Variants in CNOT1 observed in about 807,000 individuals in gnomAD.
The protein encoded by CNOT1 is CCR4-NOT transcription complex subunit 1.
CNOT1 carries 15 observed loss-of-function variants against 273.8 expected under a neutral mutation model. The observed-to-expected ratio is 0.05, with a 90% confidence interval of 0.04 to 0.08. CNOT1 has a LOEUF of 0.08. Among genes scored for constraint, CNOT1 ranks in the 10% least tolerant of loss-of-function variants. The pLI is 1.00. For synonymous variants in CNOT1, 1,022 were observed against 1,005.5 expected (o/e 1.02, Z -0.31); for missense variants, 1,644 against 2,912.2 (o/e 0.56, Z 10.02).
chr16:58,552,265 C>T (rs1263528846), intron 22 of CNOT1, among the ~76,000 whole-genome samples: 2 of 152,066 alleles, frequency 1.3e-5, no homozygotes, highest in East Asian at 3.9e-4. Flanking sequence ...TTACATAGCC[C>T]ATCCCCACAA....
In CNOT1 at chr16:58,543,840, C is replaced by T. The variant is rs1270109601; in HGVS notation, c.4201G>A (p.Val1401Ile). 2 of 1,613,962 alleles carry T rather than the reference C, an allele frequency of 1.2e-6. No individual in the cohort carries two copies. The highest frequency in any genetic ancestry group is 2.7e-5 in the African/African-American group (2 of 74,906). Residue 1401 changes from valine to isoleucine, a missense_variant, in exon 31 of 49, where the codon GTC (valine) becomes ATC (isoleucine). Physicochemically the swap from Val to Ile is conservative, Grantham distance 29 (BLOSUM62 3). Around this residue, in one of 13 missense-constraint regions of CNOT1, gnomAD observed 133 missense variants for 230.4 expected, o/e 0.58. Transcript: ENST00000317147. ...QCVRQAIERA[V>I]QELVHPVVDR... ...ACCACAGGATGGACCAGCTCCTGGA[C>T]AGCCCGTTCAATTGCCTGACGCACA...
chr16:58,523,281 A>C (rs2039473242), intron 47 of CNOT1, 89 bp downstream of exon 47: 1 of 1,382,016 alleles, frequency 7.2e-7, no homozygotes. Context: ...ACGGATTTTC[A>C]CTGAACACTG....
intron 1 of CNOT1, among the ~76,000 whole-genome samples, chr16:58,602,078 ATTTTTTT>A (rs1567437195): frequency 6.7e-6 from 1 of 150,174 alleles, no homozygotes; most frequent in Non-Finnish European, 1.5e-5. Flanking sequence ...TTTATTTTTT[ATTTTTTT>A]GAGACAGAGT....
chr16:58,586,555 C>A lies in CNOT1; in HGVS notation c.627G>T (p.Thr209=), dbSNP rs201700683. Residue 209 remains threonine (T), a synonymous_variant, in exon 7 of 49, where the codon ACG becomes ACT. Transcript: ENST00000317147. ...GQEQIDAFLK[T]LRRDFPQERC... ...CAAAGACTCCCTTACCTCTGCGCAGCGTCTTAAGAAAAGCGTCTATCTGTT... is the reference window on the plus strand; with the variant it reads ...CAAAGACTCCCTTACCTCTGCGCAGAGTCTTAAGAAAAGCGTCTATCTGTT... The A allele has an allele frequency of 2.5e-6, 4 of 1,610,446 alleles. No individual in the cohort carries two copies. Among genetic ancestry groups the A allele is most frequent in the Non-Finnish European group, 3.4e-6 (4 of 1,179,230 alleles).
In CNOT1 at chr16:58,583,077, T is replaced by TA; in HGVS notation, c.911dup (p.Leu304PhefsTer20). ...ACACCTGTAATGGAATGCCATCTGT[T>TA]AATCCTGAATGAGTTCGAGCCATCA... On this transcript the variant is annotated frameshift_variant, in exon 9 of 49. Coordinates refer to ENST00000317147, the MANE Select transcript of CNOT1 (RefSeq NM_016284.5). LOFTEE classifies it high-confidence loss of function. 6.2e-7 allele frequency: 1 copy of TA among 1,614,114 alleles called. No individual in the cohort carries two copies. Among genetic ancestry groups the TA allele is most frequent in the Non-Finnish European group, 8.5e-7 (1 of 1,180,026 alleles).
At chr16:58,553,491 T>C (rs1040704522) in intron 22 of CNOT1, among the ~76,000 whole-genome samples, 3 of 149,038 alleles carry the variant, frequency 2.0e-5, no homozygotes, top group African/African-American at 7.5e-5. Flanking sequence ...ATAAAGATTC[T>C]CTTAGTAAAA....
chr16:58,527,246 G>A (rs746589209), intron 44 of CNOT1, among the ~76,000 whole-genome samples: 5 of 152,046 alleles, frequency 3.3e-5, no homozygotes, highest in African/African-American at 7.3e-5. Context: ...AATAAAGGCC[G>A]GGTGCAGTGG....
chr16:58,543,723 C>T lies in CNOT1; in HGVS notation c.4318G>A (p.Ala1440Thr). 1 of 1,614,158 alleles carries T rather than the reference C, an allele frequency of 6.2e-7. No homozygotes were observed. Residue 1440 changes from alanine to threonine, a missense_variant, in exon 31 of 49, where the codon GCA becomes ACA. Around this residue, in one of 13 missense-constraint regions of CNOT1, gnomAD observed 133 missense variants for 230.4 expected, o/e 0.58. Coordinates refer to ENST00000317147, the MANE Select transcript of CNOT1 (RefSeq NM_016284.5). ...LDSEESRMRI[A>T]AHHMMRNLTA... Reference sequence around the variant, plus strand: ...AAGTTACGCATCATGTGATGAGCTGCTATTCGCATTCGAGATTCCTCCGAA... The same window carrying T: ...AAGTTACGCATCATGTGATGAGCTGTTATTCGCATTCGAGATTCCTCCGAA...
chr16:58,571,776 G>T (rs1301716838), intron 16 of CNOT1, among the ~76,000 whole-genome samples: 1 of 152,064 alleles, frequency 6.6e-6, no homozygotes, highest in Non-Finnish European at 1.5e-5. Context: ...TCAGGAGTTT[G>T]AGACCAGCCA....
intron 44 of CNOT1, among the ~76,000 whole-genome samples, chr16:58,526,504 T>C (rs571543544): frequency 8.1e-6 from 1 of 123,046 alleles, no homozygotes; most frequent in East Asian, 2.5e-4. Context: ...ACATCACACT[T>C]ACTCCTTAAA....
At chr16:58,594,324 C>T (rs185964466) in intron 2 of CNOT1, among the ~76,000 whole-genome samples, 15 of 152,148 alleles carry the variant, frequency 9.9e-5, no homozygotes, top group Admixed American at 3.3e-4. Flanking sequence ...CCATTAAATA[C>T]GCAAATGCAC....
chr16:58,591,036 G>A (rs1189599977), intron 2 of CNOT1, among the ~76,000 whole-genome samples: 1 of 152,174 alleles, frequency 6.6e-6, no homozygotes, highest in African/African-American at 2.4e-5. Context: ...ATTGATGCAG[G>A]CGGTTACCTC....
chr16:58,551,375 A>G (rs2040443523), intron 23 of CNOT1, 103 bp from the exon 24 acceptor site: 1 of 1,279,968 alleles, frequency 7.8e-7, no homozygotes, highest in Non-Finnish European at 1.1e-6. Context: ...TACACATGGT[A>G]TGACTGTGTA....
intron 34 of CNOT1, 86 bp from the exon 35 acceptor site, chr16:58,540,045 G>T (rs1326956716): frequency 1.5e-6 from 2 of 1,310,516 alleles, no homozygotes; most frequent in East Asian, 2.4e-5. Context: ...AGGTCTACTA[G>T]TATGTTTACT....
chr16:58,548,439 T>C (rs1465522162), intron 25 of CNOT1: 13 of 480,672 alleles, frequency 2.7e-5, no homozygotes, highest in South Asian at 1.1e-4. Flanking sequence ...CTACAGAGTA[T>C]GTGGAAACTT....
At chr16:58,528,443 A>G (rs374768844) in intron 44 of CNOT1, 32 bp downstream of exon 44, 163 of 1,521,308 alleles carry the variant, frequency 1.1e-4, no homozygotes, top group Middle Eastern at 1.7e-4. Context: ...ATATTAAGAC[A>G]TAAGTTTTCC....
chr16:58,542,116 T>TTC, intron 33 of CNOT1, 115 bp downstream of exon 33: 1 of 1,265,246 alleles, frequency 7.9e-7, no homozygotes, highest in Non-Finnish European at 1.1e-6. Flanking sequence ...TTAAGATGTT[T>TTC]TCTCATAAAC....
intron 16 of CNOT1, among the ~76,000 whole-genome samples, chr16:58,572,493 G>A (rs1228458568): frequency 1.3e-5 from 2 of 151,994 alleles, no homozygotes; most frequent in African/African-American, 4.8e-5. Context: ...AATTAGCTGG[G>A]CATGGTGGTG....
At position 58,601,734 on chromosome 16, in the gene CNOT1, T is replaced by TAAAAAAA. The variant is rs66711143; in HGVS notation, c.-174-2230_-174-2224dup. Among the ~76,000 whole-genome samples, 67 of 91,504 alleles carry TAAAAAAA rather than the reference T, an allele frequency of 7.3e-4. 5 individuals carry two copies. Among genetic ancestry groups the TAAAAAAA allele is most frequent in the African/African-American group, 2.1e-3 (55 of 25,648 alleles). The allele number at this position is 91,504 out of a possible 152,430, so 60.0% of individuals were successfully genotyped here. A position where few individuals can be genotyped will look rare whatever the true frequency, so the allele number is the denominator to read the frequency against. ...ATATGCTAGTGCTCCATACCCACCT[T>TAAAAAAA]AAAAAAAAAAAAAAAAAAAAGCCTG... On this transcript the variant is annotated intron_variant, in intron 1 of 48. Coordinates refer to ENST00000317147, the MANE Select transcript of CNOT1 (RefSeq NM_016284.5).
Sources: gnomAD v4.1 joint callset for allele counts (sites outside exome capture counted in the v4.1 genomes callset) on GRCh38, gnomAD v4.1.1 for gene constraint, gnomAD v4.1.1 regional missense constraint, MANE v1.5 for transcripts, NCBI Gene and HGNC (gene_info 2026-07-23, HGNC 2026-07-21) for gene names.